MYO3A: variants seen among roughly 807,000 people sequenced by gnomAD.
MYO3A encodes myosin-IIIa.
MYO3A carries 180 observed loss-of-function variants against 192.7 expected under a neutral mutation model. The ratio of observed to expected loss-of-function variants is 0.93; its 90% CI spans 0.83 to 1.06. The LOEUF (loss-of-function observed/expected upper bound fraction) is 1.06, where lower values mean the gene tolerates loss of function less well. Ranked by LOEUF, MYO3A falls within the 50% of genes least tolerant of loss-of-function variation. The pLI is 0.00. For missense variants in MYO3A, 1,896 were observed against 1,905.0 expected, an observed-to-expected ratio of 1.00 and a Z score of 0.09; for synonymous variants, 628 against 645.3, an observed-to-expected ratio of 0.97 and a Z score of 0.41.
At chr10:26,010,567 G>A (rs139108550) in intron 6 of MYO3A, among the ~76,000 whole-genome samples, 1,856 of 150,934 alleles carry the variant, frequency 0.012, 49 homozygotes, top group African/African-American at 0.043. Flanking sequence ...GGATTCAAGC[G>A]ATTCTTCTGC....
intron 10 of MYO3A, among the ~76,000 whole-genome samples, chr10:26,034,926 C>T (rs56352608): frequency 0.17 from 24,546 of 147,664 alleles, 2,274 homozygotes; most frequent in Non-Finnish European, 0.21. Context: ...TTACATGAAG[C>T]GTGTGTGTGT....
chr10:26,002,613 C>T (rs1840902264), intron 6 of MYO3A, among the ~76,000 whole-genome samples: 1 of 151,566 alleles, frequency 6.6e-6, no homozygotes, highest in Non-Finnish European at 1.5e-5. Flanking sequence ...CGGAATGAGT[C>T]AGGGTGGACC....
rs1056845075 is a variant in MYO3A at position 26,173,759 on chromosome 10, G to T, written c.3495G>T (p.Lys1165Asn). 1.2e-6 allele frequency: 2 copies of T among 1,613,870 alleles called. No homozygotes were observed. Among genetic ancestry groups the T allele is most frequent in the African/African-American group, 2.7e-5 (2 of 74,930 alleles). Residue 1165 changes from lysine to asparagine, a missense_variant, in exon 30 of 35, where the codon AAG becomes AAT. Lys to Asn is a moderately conservative substitution (Grantham distance 94). Coordinates refer to ENST00000642920, the MANE Select transcript of MYO3A (RefSeq NM_017433.5). Reference sequence around the variant, plus strand: ...ATAAAGGAAGTGTATCTGTAGTGAAGACTTCCACTTTCAAACCTGAAGAGG... The same window carrying T: ...ATAAAGGAAGTGTATCTGTAGTGAATACTTCCACTTTCAAACCTGAAGAGG... ...PNNKGSVSVV[K>N]TSTFKPEEET...
chr10:25,968,135 T>C (rs1838378412), intron 4 of MYO3A, among the ~76,000 whole-genome samples: 1 of 152,072 alleles, frequency 6.6e-6, no homozygotes, highest in African/African-American at 2.4e-5. Flanking sequence ...ATAATCCAAA[T>C]GCTGAAAACT....
At chr10:26,077,958 C>G (rs534548058) in intron 14 of MYO3A, among the ~76,000 whole-genome samples, 1 of 151,908 alleles carries the variant, frequency 6.6e-6, no homozygotes, top group Non-Finnish European at 1.5e-5. Context: ...CTGTAGTTTT[C>G]TTTTTTGGTT....
intron 10 of MYO3A, among the ~76,000 whole-genome samples, chr10:26,043,866 T>A (rs1843494049): frequency 6.6e-6 from 1 of 152,142 alleles, no homozygotes. Context: ...CTTTTCCCTC[T>A]GCTTTTCTCA....
chr10:26,124,072 C>A (rs939657088), intron 18 of MYO3A, among the ~76,000 whole-genome samples: 1 of 151,640 alleles, frequency 6.6e-6, no homozygotes, highest in Non-Finnish European at 1.5e-5. Context: ...GCCTGTGGTC[C>A]CAGCTGCATG....
intron 20 of MYO3A, among the ~76,000 whole-genome samples, chr10:26,133,069 A>G (rs1051630546): frequency 1.3e-5 from 2 of 152,172 alleles, no homozygotes; most frequent in Admixed American, 6.5e-5. Flanking sequence ...ATTAAAAATA[A>G]CCCCCTTATC....
chr10:26,139,883 A>C (rs1277100617), intron 20 of MYO3A, among the ~76,000 whole-genome samples: 1 of 147,308 alleles, frequency 6.8e-6, no homozygotes. Flanking sequence ...CAGATTGTCT[A>C]AAAAAAAAAA....
chr10:25,984,961 G>T (rs909269629), intron 4 of MYO3A, among the ~76,000 whole-genome samples: 6 of 152,104 alleles, frequency 3.9e-5, no homozygotes, highest in Admixed American at 3.9e-4. Flanking sequence ...TCTGAGGCCG[G>T]GCTTGCTGGC....
rs760574586 is a variant in MYO3A, at chr10:26,143,517, A to G, written c.2332A>G (p.Met778Val). The change falls in exon 21 of 35, where the codon ATG becomes GTG. Residue 778 changes from methionine (M) to valine (V), a missense_variant. Transcript: ENST00000642920. ...EYEDNWPLLD[M>V]FLQKPMGLLS... ...TGAGGATAACTGGCCCCTCTTAGATATGTTTCTGCAAAAGCCAATGGGTTT... is the reference window on the plus strand; with the variant it reads ...TGAGGATAACTGGCCCCTCTTAGATGTGTTTCTGCAAAAGCCAATGGGTTT... The G allele has an allele frequency of 6.2e-7, 1 of 1,613,846 alleles. No homozygotes were observed. Among genetic ancestry groups the G allele is most frequent in the Non-Finnish European group, 8.5e-7 (1 of 1,179,758 alleles).
chr10:26,183,137 A>C (rs1462333096), intron 31 of MYO3A, among the ~76,000 whole-genome samples: 2 of 152,154 alleles, frequency 1.3e-5, no homozygotes, highest in African/African-American at 4.8e-5. Flanking sequence ...CTCACCCCCC[A>C]CACAGGCTGC....
At chr10:25,978,271 A>G (rs1256233647) in intron 4 of MYO3A, among the ~76,000 whole-genome samples, 2 of 152,214 alleles carry the variant, frequency 1.3e-5, no homozygotes, top group Non-Finnish European at 2.9e-5. Context: ...TCACACTGTC[A>G]GTAAAGACAT....
intron 23 of MYO3A, among the ~76,000 whole-genome samples, chr10:26,152,482 T>G (rs1399510260): frequency 6.6e-6 from 1 of 152,218 alleles, no homozygotes; most frequent in Non-Finnish European, 1.5e-5. Context: ...CATGGCCCTT[T>G]GTATATATGA....
chr10:26,168,484 T>C (rs1841874686), intron 27 of MYO3A, among the ~76,000 whole-genome samples: 1 of 152,206 alleles, frequency 6.6e-6, no homozygotes, highest in African/African-American at 2.4e-5. Flanking sequence ...TAGTTACCTG[T>C]TGTAAATAAA....
At chr10:26,203,549 T>C (rs968930857) in intron 34 of MYO3A, among the ~76,000 whole-genome samples, 2 of 152,176 alleles carry the variant, frequency 1.3e-5, no homozygotes, top group African/African-American at 2.4e-5. Context: ...GAGAGAAAGA[T>C]TCATAGAAAA....
At chr10:26,092,465 C>CAAA (rs112109851) in intron 15 of MYO3A, among the ~76,000 whole-genome samples, 47,902 of 147,078 alleles carry the variant, frequency 0.33, 8,209 homozygotes, top group Middle Eastern at 0.43. Flanking sequence ...GACTCTGTCT[C>CAAA]AAAAAAAAAA....
intron 14 of MYO3A, among the ~76,000 whole-genome samples, chr10:26,072,535 G>A (rs1309289175): frequency 6.6e-6 from 1 of 152,156 alleles, no homozygotes; most frequent in African/African-American, 2.4e-5. Flanking sequence ...CAATAATGAT[G>A]AATGTGGGGT....
chr10:26,205,631 T>TTTTTTTTTTA (rs1843891928), intron 34 of MYO3A, among the ~76,000 whole-genome samples: 1 of 140,626 alleles, frequency 7.1e-6, no homozygotes, highest in Non-Finnish European at 1.5e-5. Context: ...TTTTTTTTTT[T>TTTTTTTTTTA]TTTGAGACAG....
Sources: allele counts gnomAD v4.1 joint callset (sites outside exome capture counted in the v4.1 genomes callset), GRCh38; gene constraint gnomAD v4.1.1; transcripts MANE v1.5; gene names NCBI Gene and HGNC (gene_info 2026-07-23, HGNC 2026-07-21).